PTCHD4: variants seen among roughly 807,000 people sequenced by gnomAD.
PTCHD4 encodes the protein patched domain containing 4, also known as patched domain-containing protein 4.
In PTCHD4, 33 loss-of-function variants were observed where a neutral mutation model predicts 58.1. The ratio of observed to expected loss-of-function variants is 0.57; its 90% CI spans 0.43 to 0.76. The LOEUF is 0.76. Ranked by LOEUF, PTCHD4 falls within the 30% of genes least tolerant of loss-of-function variation. The pLI, the probability that PTCHD4 is intolerant of heterozygous loss-of-function variation, is 0.00. For synonymous variants in PTCHD4, 478 were observed against 409.6 expected (o/e 1.17, Z -2.02); for missense variants, 1,058 against 1,027.1 (o/e 1.03, Z -0.41).
rs763241410 is a variant in PTCHD4 at position 47,879,382 on chromosome 6, C to T, written c.1453G>A (p.Gly485Arg). 55 of 1,613,434 alleles carry T rather than the reference C, an allele frequency of 3.4e-5. No homozygotes were observed. Among genetic ancestry groups the T allele is most frequent in the African/African-American group, 8.0e-5 (6 of 74,868 alleles). ...GCTAGTAGATTGATGATGTTGGCTC[C>T]GTCACTGATCTGTAAGCACCCCATG... is the stretch of plus-strand genomic sequence containing the variant. ...SFMGCLQISDGANIINLLASD... is the reference protein window; with the variant it reads ...SFMGCLQISDRANIINLLASD... Residue 485 changes from glycine (G) to arginine (R), a missense_variant, in exon 5 of 5, where the codon GGA becomes AGA. Gly to Arg is a moderately radical substitution (Grantham distance 125). Transcript: ENST00000339488.
At chr6:47,895,918 A>G (rs1764515660) in intron 4 of PTCHD4, among the ~76,000 whole-genome samples, 1 of 152,148 alleles carries the variant, frequency 6.6e-6, no homozygotes, top group Non-Finnish European at 1.5e-5. Flanking sequence ...TTGGAGTATC[A>G]TATAGCAATG....
chr6:48,054,324 C>G (rs1229597121), intron 3 of PTCHD4, among the ~76,000 whole-genome samples: 1 of 152,104 alleles, frequency 6.6e-6, no homozygotes, highest in Non-Finnish European at 1.5e-5. Context: ...TGGAGTTGGC[C>G]TATAAATAAC....
chr6:48,016,634 A>G (rs775027696), intron 3 of PTCHD4, among the ~76,000 whole-genome samples: 2 of 151,474 alleles, frequency 1.3e-5, no homozygotes, highest in Non-Finnish European at 2.9e-5. Flanking sequence ...GCTGAAGAGA[A>G]AAAAAAAATC....
Position 48,008,212 on chromosome 6 carries a change from G to A in PTCHD4, c.898+422C>T, listed in dbSNP as rs180823633. On this transcript the variant is annotated intron_variant, in intron 4 of 4. Coordinates refer to ENST00000339488, the MANE Select transcript of PTCHD4 (RefSeq NM_001384253.1). ...TACTTAAGAAGTTCTTTGAGATTAG[G>A]ACACATCATTGGTCCTCAGAATTTT... Among the ~76,000 whole-genome samples, 104 of 152,238 alleles carry A rather than the reference G, an allele frequency of 6.8e-4. 1 individual carries two copies. The highest frequency in any genetic ancestry group is 2.4e-3 in the African/African-American group (100 of 41,552).
At chr6:48,077,859 C>A (rs1464548886) in intron 1 of PTCHD4, among the ~76,000 whole-genome samples, 1 of 152,012 alleles carries the variant, frequency 6.6e-6, no homozygotes, top group Admixed American at 6.5e-5. Flanking sequence ...GTTTAAGGCA[C>A]CCCAAAACAA....
At chr6:47,919,256 A>C (rs988795605) in intron 4 of PTCHD4, among the ~76,000 whole-genome samples, 9 of 152,202 alleles carry the variant, frequency 5.9e-5, no homozygotes, top group Non-Finnish European at 1.2e-4. Flanking sequence ...TATATCAGTC[A>C]CTGTTCTAAT....
rs112540764 is a variant in PTCHD4 at position 47,857,962 on chromosome 6, A to G, written c.*20341T>C. ...AAGACTAACAATAACATGTTTAAGG[A>G]TGTCATTTGTTTCACATCTCAAACC... On this transcript the variant is annotated 3_prime_UTR_variant, in exon 5 of 5. Transcript: ENST00000339488. 0.015 allele frequency among the ~76,000 whole-genome samples: 2,326 copies of G among 152,098 alleles called. 60 individuals are homozygous for G. Among genetic ancestry groups the G allele is most frequent in the African/African-American group, 0.05 (2,088 of 41,510 alleles).
At chr6:47,929,366 A>G (rs1765735527) in intron 4 of PTCHD4, among the ~76,000 whole-genome samples, 1 of 152,192 alleles carries the variant, frequency 6.6e-6, no homozygotes, top group Admixed American at 6.5e-5. Context: ...GCCAGTTTTT[A>G]TTTTTTAACC....
At position 47,982,730 on chromosome 6, in the gene PTCHD4, G is replaced by A. The variant is rs143368860; in HGVS notation, c.898+25904C>T. On this transcript the variant is annotated intron_variant, in intron 4 of 4. Transcript: ENST00000339488. ...TCTCCATCTCCTGACCTCGTGATCC[G>A]CCCGTCTCGGCCTCCCAAAGTGCTG... Among the ~76,000 whole-genome samples the A allele has an allele frequency of 5.9e-3, 897 of 152,070 alleles. 8 individuals carry two copies. Among genetic ancestry groups the A allele is most frequent in the African/African-American group, 0.02 (832 of 41,492 alleles).
intron 3 of PTCHD4, among the ~76,000 whole-genome samples, chr6:48,019,735 CA>C (rs532483894): frequency 0.012 from 1,409 of 121,206 alleles, 15 homozygotes; most frequent in Middle Eastern, 0.023. Context: ...GACTCCGTCT[CA>C]AAAAAAAAAA....
chr6:48,055,081 C>T (rs1266545698), intron 3 of PTCHD4, among the ~76,000 whole-genome samples: 1 of 152,054 alleles, frequency 6.6e-6, no homozygotes, highest in Non-Finnish European at 1.5e-5. Context: ...ATGTGTTACC[C>T]ACTTCATCAT....
At chr6:47,995,357 G>T (rs566486427) in intron 4 of PTCHD4, among the ~76,000 whole-genome samples, 1 of 152,158 alleles carries the variant, frequency 6.6e-6, no homozygotes, top group Admixed American at 6.5e-5. Flanking sequence ...TCTTTGAAAG[G>T]AACAAAGAAA....
chr6:48,039,844 T>C (rs966565296), intron 3 of PTCHD4, among the ~76,000 whole-genome samples: 1 of 152,126 alleles, frequency 6.6e-6, no homozygotes, highest in African/African-American at 2.4e-5. Flanking sequence ...GATGAATATG[T>C]GATATTTACA....
At position 48,095,383 on chromosome 6, in the gene PTCHD4, C is replaced by T. The variant is rs115607990; in HGVS notation, c.-970+15666G>A. Reference sequence around the variant, plus strand: ...GGAAAACTTATTCCATAGTGATCTTCTTTTAAAAAAGAAATATAGGTCAGG... The same window carrying T: ...GGAAAACTTATTCCATAGTGATCTTTTTTTAAAAAAGAAATATAGGTCAGG... On this transcript the variant is annotated intron_variant, in intron 1 of 4. Coordinates refer to ENST00000339488, the MANE Select transcript of PTCHD4 (RefSeq NM_001384253.1). Among the ~76,000 whole-genome samples the T allele has an allele frequency of 3.0e-3, 460 of 152,190 alleles. 3 individuals carry two copies. The highest frequency in any genetic ancestry group is 0.011 in the African/African-American group (437 of 41,544).
intron 1 of PTCHD4, among the ~76,000 whole-genome samples, chr6:48,078,566 A>AT (rs1765102087): frequency 1.3e-5 from 2 of 152,330 alleles, no homozygotes; most frequent in South Asian, 4.1e-4. Flanking sequence ...TTTTAAAAGC[A>AT]TTTTTAGATT....
chr6:47,942,016 A>G (rs1766248200), intron 4 of PTCHD4, among the ~76,000 whole-genome samples: 1 of 152,178 alleles, frequency 6.6e-6, no homozygotes, highest in African/African-American at 2.4e-5. Flanking sequence ...CAATTGCACA[A>G]TTTGGAATAT....
chr6:47,901,915 A>C, intron 4 of PTCHD4: 1 of 1,303,598 alleles, frequency 7.7e-7, no homozygotes, highest in African/African-American at 1.5e-5. Context: ...TTCTAGCTTG[A>C]GGTAAATTCA....
intron 3 of PTCHD4, among the ~76,000 whole-genome samples, chr6:48,044,269 G>A (rs1411533307): frequency 1.3e-5 from 2 of 151,754 alleles, no homozygotes; most frequent in Non-Finnish European, 2.9e-5. Flanking sequence ...CTGTTATCTG[G>A]AACTACATTC....
At chr6:47,880,431 C>T (rs1158823878) in intron 4 of PTCHD4, among the ~76,000 whole-genome samples, 2 of 152,158 alleles carry the variant, frequency 1.3e-5, no homozygotes, top group South Asian at 2.1e-4. Flanking sequence ...TTAAAAATGG[C>T]TCTAAACTGA....
Sources: gnomAD v4.1 joint callset for allele counts (sites outside exome capture counted in the v4.1 genomes callset) on GRCh38, gnomAD v4.1.1 for gene constraint, MANE v1.5 for transcripts, NCBI Gene and HGNC (gene_info 2026-07-23, HGNC 2026-07-21) for gene names.